SGCZ: variants seen among roughly 807,000 people sequenced by gnomAD.
SGCZ encodes zeta-sarcoglycan.
SGCZ carries 40 observed loss-of-function variants against 41.3 expected under a neutral mutation model. That is an observed-to-expected ratio of 0.97 (90% CI 0.75 to 1.26). The LOEUF is 1.26. Among genes scored for constraint, SGCZ ranks in the 50% most tolerant of loss-of-function variants. The pLI is 0.00. For missense variants in SGCZ, 552 were observed against 369.8 expected (o/e 1.49, Z -4.04); for synonymous variants, 206 against 137.5 (o/e 1.50, Z -3.49).
intron 1 of SGCZ, among the ~76,000 whole-genome samples, chr8:14,927,522 G>A (rs1393991021): frequency 6.6e-6 from 1 of 150,492 alleles, no homozygotes; most frequent in Middle Eastern, 3.5e-3. Context: ...ATAAGAAGAA[G>A]AGCAAGAAGA....
intron 1 of SGCZ, among the ~76,000 whole-genome samples, chr8:14,672,303 C>A (rs1021114786): frequency 2.0e-5 from 3 of 151,892 alleles, no homozygotes; most frequent in African/African-American, 7.3e-5. Context: ...CTGTTAATGC[C>A]CAATGTCTCA....
intron 1 of SGCZ, among the ~76,000 whole-genome samples, chr8:14,605,150 C>CA (rs1805708878): frequency 6.6e-6 from 1 of 152,058 alleles, no homozygotes; most frequent in Admixed American, 6.6e-5. Flanking sequence ...CTACTTGCCT[C>CA]GAAAAATGAC....
chr8:14,235,485 G>A (rs550744694), intron 4 of SGCZ, among the ~76,000 whole-genome samples: 38 of 152,140 alleles, frequency 2.5e-4, no homozygotes, highest in African/African-American at 9.2e-4. Flanking sequence ...TTTGGCAAAT[G>A]CCAATATAAC....
chr8:14,556,442 AT>A (rs34079980), intron 1 of SGCZ, among the ~76,000 whole-genome samples: 20,597 of 151,520 alleles, frequency 0.14, 1,627 homozygotes, highest in South Asian at 0.19. Context: ...AATGTTGAGA[AT>A]TTTTTTTTCC....
chr8:14,933,538 T>C (rs1234752458), intron 1 of SGCZ, among the ~76,000 whole-genome samples: 1 of 151,150 alleles, frequency 6.6e-6, no homozygotes, highest in Non-Finnish European at 1.5e-5. Context: ...TTCACACCAT[T>C]CTCCTGCCTC....
chr8:14,119,844 G>C (rs1361049830), intron 5 of SGCZ, among the ~76,000 whole-genome samples: 3 of 152,116 alleles, frequency 2.0e-5, no homozygotes, highest in African/African-American at 7.2e-5. Context: ...GATTGGTTCT[G>C]TTTATATGAT....
intron 1 of SGCZ, among the ~76,000 whole-genome samples, chr8:14,730,980 T>C (rs1384917905): frequency 5.9e-5 from 9 of 151,686 alleles, no homozygotes; most frequent in Admixed American, 5.9e-4. Context: ...AGTGTGGCTA[T>C]TCCTCAAGAA....
intron 1 of SGCZ, among the ~76,000 whole-genome samples, chr8:14,911,491 T>C (rs1264026765): frequency 6.6e-6 from 1 of 152,044 alleles, no homozygotes; most frequent in Non-Finnish European, 1.5e-5. Flanking sequence ...GTCAGCCATA[T>C]AATCCTAGAA....
intron 1 of SGCZ, among the ~76,000 whole-genome samples, chr8:14,580,873 G>C (rs541654618): frequency 6.6e-6 from 1 of 152,164 alleles, no homozygotes; most frequent in Non-Finnish European, 1.5e-5. Context: ...AAACATCATG[G>C]TTGATTAGGG....
chr8:14,315,257 A>C (rs1801677684), intron 3 of SGCZ, among the ~76,000 whole-genome samples: 1 of 152,126 alleles, frequency 6.6e-6, no homozygotes, highest in South Asian at 2.1e-4. Flanking sequence ...ATCAAATTCA[A>C]ATCCAACTGA....
chr8:14,693,387 G>A (rs886724108), intron 1 of SGCZ, among the ~76,000 whole-genome samples: 3 of 151,236 alleles, frequency 2.0e-5, no homozygotes, highest in Non-Finnish European at 4.4e-5. Context: ...TGTCTCCTAG[G>A]TTCAAGCGAT....
At chr8:14,194,933 A>G (rs1279652739) in intron 4 of SGCZ, among the ~76,000 whole-genome samples, 1 of 152,068 alleles carries the variant, frequency 6.6e-6, no homozygotes, top group African/African-American at 2.4e-5. Flanking sequence ...TCTGCCAAAG[A>G]AACCTCACGT....
intron 1 of SGCZ, among the ~76,000 whole-genome samples, chr8:15,154,196 G>A (rs1285623913): frequency 6.6e-6 from 1 of 152,134 alleles, no homozygotes; most frequent in African/African-American, 2.4e-5. Flanking sequence ...TTATAGCAAG[G>A]CAAAGACAAC....
intron 1 of SGCZ, among the ~76,000 whole-genome samples, chr8:15,042,594 A>G (rs1410264928): frequency 6.6e-6 from 1 of 152,220 alleles, no homozygotes; most frequent in Non-Finnish European, 1.5e-5. Context: ...ATTACTTGAT[A>G]TGGGTTAATA....
At chr8:14,595,400 A>AACACACACAC (rs34287378) in intron 1 of SGCZ, among the ~76,000 whole-genome samples, 3,337 of 136,258 alleles carry the variant, frequency 0.024, 47 homozygotes, top group East Asian at 0.042. Flanking sequence ...AACATGCACA[A>AACACACACAC]ACACACACAC....
chr8:14,410,213 A>G (rs1219035032), intron 2 of SGCZ, among the ~76,000 whole-genome samples: 1 of 151,946 alleles, frequency 6.6e-6, no homozygotes, highest in Non-Finnish European at 1.5e-5. Flanking sequence ...TCCCGAAACC[A>G]TTTCCCTCCT....
intron 3 of SGCZ, among the ~76,000 whole-genome samples, chr8:14,263,555 T>C (rs1024425266): frequency 6.6e-6 from 1 of 151,956 alleles, no homozygotes; most frequent in South Asian, 2.1e-4. Context: ...TCTCAAAAAA[T>C]ACGTATATAA....
chr8:14,818,466 A>G (rs945509669), intron 1 of SGCZ, among the ~76,000 whole-genome samples: 38 of 152,168 alleles, frequency 2.5e-4, no homozygotes, highest in African/African-American at 8.2e-4. Flanking sequence ...GAACCCATCC[A>G]TAGGAAAAAT....
intron 2 of SGCZ, among the ~76,000 whole-genome samples, chr8:14,389,719 G>C (rs1224082958): frequency 1.3e-5 from 2 of 151,946 alleles, no homozygotes; most frequent in East Asian, 3.9e-4. Context: ...GAGGAAATGA[G>C]AATGAAGAAA....
Sources: allele counts gnomAD v4.1 joint callset (sites outside exome capture counted in the v4.1 genomes callset), GRCh38; gene constraint gnomAD v4.1.1; transcripts MANE v1.5; gene names NCBI Gene and HGNC (gene_info 2026-07-23, HGNC 2026-07-21).